Variants in KCND3 observed in about 807,000 individuals in gnomAD.
KCND3 encodes potassium voltage-gated channel subfamily D member 3.
A neutral mutation model predicts 51.1 loss-of-function variants in KCND3; 9 were observed. That is an observed-to-expected ratio of 0.18 (90% CI 0.11 to 0.31). The LOEUF is 0.31. Among genes scored for constraint, KCND3 ranks in the 10% least tolerant of loss-of-function variants. KCND3 has a pLI of 1.00. For synonymous variants in KCND3, 349 were observed against 368.0 expected (o/e 0.95, Z 0.59); for missense variants, 526 against 903.8 (o/e 0.58, Z 5.36).
intron 2 of KCND3, among the ~76,000 whole-genome samples, chr1:111,921,688 G>A (rs1384255604): frequency 6.6e-6 from 1 of 152,214 alleles, no homozygotes; most frequent in Admixed American, 6.5e-5. Flanking sequence ...TGGGGATGCA[G>A]TACAAGTCTG....
chr1:111,850,328 TG>T (rs1358414246), intron 2 of KCND3, among the ~76,000 whole-genome samples: 6 of 152,240 alleles, frequency 3.9e-5, no homozygotes, highest in Non-Finnish European at 5.9e-5. Context: ...ACAACCCGAC[TG>T]ACAGCACCCC....
chr1:111,913,038 C>T (rs1671037463), intron 2 of KCND3, among the ~76,000 whole-genome samples: 2 of 152,182 alleles, frequency 1.3e-5, no homozygotes, highest in Admixed American at 1.3e-4. Flanking sequence ...CTCACACAGC[C>T]TCACCCAGAG....
chr1:111,968,271 G>A (rs796360056), intron 2 of KCND3, among the ~76,000 whole-genome samples: 4 of 152,204 alleles, frequency 2.6e-5, no homozygotes, highest in African/African-American at 9.6e-5. Context: ...ATTTGGCTCA[G>A]AAGGCAGGGG....
chr1:111,867,501 G>A (rs952480510), intron 2 of KCND3, among the ~76,000 whole-genome samples: 19 of 152,134 alleles, frequency 1.2e-4, no homozygotes, highest in African/African-American at 3.9e-4. Context: ...AGGGAAACCC[G>A]CCTTAGGATG....
intron 2 of KCND3, among the ~76,000 whole-genome samples, chr1:111,978,408 A>C (rs1364319133): frequency 1.3e-5 from 2 of 152,250 alleles, no homozygotes; most frequent in Non-Finnish European, 2.9e-5. Context: ...GTTAGAAGCA[A>C]CTGAATGATG....
At chr1:111,865,195 C>T (rs1223859146) in intron 2 of KCND3, among the ~76,000 whole-genome samples, 1 of 152,188 alleles carries the variant, frequency 6.6e-6, no homozygotes, top group Non-Finnish European at 1.5e-5. Context: ...CCACTGTATG[C>T]CAGATATACT....
chr1:111,913,158 A>C (rs1055883695), intron 2 of KCND3, among the ~76,000 whole-genome samples: 2 of 152,228 alleles, frequency 1.3e-5, no homozygotes, highest in Non-Finnish European at 2.9e-5. Context: ...TTAGATACAC[A>C]AACAATTACC....
At chr1:111,941,604 G>T (rs1441419076) in intron 2 of KCND3, among the ~76,000 whole-genome samples, 1 of 152,094 alleles carries the variant, frequency 6.6e-6, no homozygotes, top group East Asian at 1.9e-4. Flanking sequence ...ATGTCAACAA[G>T]AATTAGAACA....
intron 2 of KCND3, among the ~76,000 whole-genome samples, chr1:111,926,970 C>G (rs1215173129): frequency 1.3e-5 from 2 of 152,166 alleles, no homozygotes; most frequent in Non-Finnish European, 2.9e-5. Context: ...TTTATCTTCC[C>G]TCAAAAGGCA....
At chr1:111,856,054 C>T (rs1668050949) in intron 2 of KCND3, among the ~76,000 whole-genome samples, 1 of 152,214 alleles carries the variant, frequency 6.6e-6, no homozygotes, top group Non-Finnish European at 1.5e-5. Flanking sequence ...CTGGCCAAAC[C>T]CAGCCAGAAG....
intron 2 of KCND3, among the ~76,000 whole-genome samples, chr1:111,810,657 T>C (rs1343997919): frequency 6.6e-6 from 1 of 152,150 alleles, no homozygotes; most frequent in Non-Finnish European, 1.5e-5. Flanking sequence ...CTTGTAGACG[T>C]CTCTGTGAAG....
At chr1:111,970,801 C>A (rs976227204) in intron 2 of KCND3, among the ~76,000 whole-genome samples, 6 of 152,180 alleles carry the variant, frequency 3.9e-5, no homozygotes, top group African/African-American at 1.2e-4. Context: ...GATTTAGTCC[C>A]CACCTCTTTC....
intron 2 of KCND3, among the ~76,000 whole-genome samples, chr1:111,831,517 C>T (rs950560240): frequency 6.6e-6 from 1 of 152,214 alleles, no homozygotes. Context: ...CCTGCAGAAC[C>T]ATGAGCCAAT....
intron 2 of KCND3, among the ~76,000 whole-genome samples, chr1:111,881,382 T>A (rs10857911): frequency 0.16 from 23,731 of 152,176 alleles, 2,253 homozygotes; most frequent in East Asian, 0.38. Flanking sequence ...GGCAGCCAAG[T>A]GTGCACCTGC....
At chr1:111,918,971 T>C (rs1671353756) in intron 2 of KCND3, among the ~76,000 whole-genome samples, 2 of 151,712 alleles carry the variant, frequency 1.3e-5, no homozygotes, top group African/African-American at 4.8e-5. Context: ...AGGGGAGCTG[T>C]CCAAGTGATG....
At chr1:111,882,343 G>A (rs192713763) in intron 2 of KCND3, among the ~76,000 whole-genome samples, 1 of 152,206 alleles carries the variant, frequency 6.6e-6, no homozygotes, top group Non-Finnish European at 1.5e-5. Flanking sequence ...TCTGGCGTCC[G>A]GTTTGGATGC....
chr1:111,838,484 C>G (rs12142815), intron 2 of KCND3, among the ~76,000 whole-genome samples: 36 of 151,828 alleles, frequency 2.4e-4, no homozygotes, highest in Non-Finnish European at 4.0e-4. Context: ...AGTGAAACCC[C>G]GTCTCTACTA....
At chr1:111,879,255 G>A (rs915513311) in intron 2 of KCND3, among the ~76,000 whole-genome samples, 1 of 152,158 alleles carries the variant, frequency 6.6e-6, no homozygotes, top group Non-Finnish European at 1.5e-5. Context: ...TTTCCCTGCA[G>A]AACCCTGACT....
chr1:111,939,412 A>T (rs1050425741), intron 2 of KCND3, among the ~76,000 whole-genome samples: 1 of 151,952 alleles, frequency 6.6e-6, no homozygotes, highest in African/African-American at 2.4e-5. Flanking sequence ...CGGGTGTGTG[A>T]TGTTCCCCTT....
Sources: gnomAD v4.1 joint callset for allele counts (sites outside exome capture counted in the v4.1 genomes callset) on GRCh38, gnomAD v4.1.1 for gene constraint, MANE v1.5 for transcripts, NCBI Gene and HGNC (gene_info 2026-07-23, HGNC 2026-07-21) for gene names.